Variants in EYS observed in about 807,000 individuals in gnomAD.
The protein encoded by EYS is EGF-like photoreceptor maintenance factor.
EYS carries 250 observed loss-of-function variants against 282.1 expected under a neutral mutation model. The ratio of observed to expected loss-of-function variants is 0.89; its 90% CI spans 0.80 to 0.98. EYS has a LOEUF of 0.98. Among genes scored for constraint, EYS ranks in the 50% least tolerant of loss-of-function variants. EYS has a pLI of 0.00. For synonymous variants in EYS, 1,355 were observed against 1,282.9 expected, an observed-to-expected ratio of 1.06 and a Z score of -1.20; for missense variants, 4,016 against 3,709.0, an observed-to-expected ratio of 1.08 and a Z score of -2.15.
At chr6:64,136,892 T>G (rs1413482579) in intron 31 of EYS, among the ~76,000 whole-genome samples, 1 of 152,164 alleles carries the variant, frequency 6.6e-6, no homozygotes, top group Non-Finnish European at 1.5e-5. Context: ...CCTGCAAGAT[T>G]CCCTAACAAG....
chr6:64,675,614 G>C (rs1769630439), intron 22 of EYS, among the ~76,000 whole-genome samples: 1 of 151,606 alleles, frequency 6.6e-6, no homozygotes, highest in Admixed American at 6.6e-5. Flanking sequence ...ATTTTTAGTA[G>C]AGACAGGGTT....
At chr6:65,276,238 A>G (rs757085375) in intron 12 of EYS, among the ~76,000 whole-genome samples, 5 of 152,138 alleles carry the variant, frequency 3.3e-5, no homozygotes, top group Admixed American at 6.6e-5. Context: ...TCCATAGATG[A>G]GTTATTTCTC....
At chr6:64,310,595 G>A (rs550009737) in intron 29 of EYS, among the ~76,000 whole-genome samples, 1 of 152,088 alleles carries the variant, frequency 6.6e-6, no homozygotes, top group South Asian at 2.1e-4. Flanking sequence ...GAGGGTAGAG[G>A]GTGGAAGAAG....
intron 13 of EYS, among the ~76,000 whole-genome samples, chr6:65,038,305 T>C (rs1434505783): frequency 6.6e-6 from 1 of 151,522 alleles, no homozygotes; most frequent in Non-Finnish European, 1.5e-5. Flanking sequence ...TAACAATTTT[T>C]TTAATGTTTT....
chr6:65,319,285 C>G (rs1188013925), intron 11 of EYS, among the ~76,000 whole-genome samples: 1 of 148,932 alleles, frequency 6.7e-6, no homozygotes, highest in Non-Finnish European at 1.5e-5. Context: ...GAGGCGGAGG[C>G]AGGAGAATCT....
chr6:63,827,800 C>A (rs111483879), intron 36 of EYS, among the ~76,000 whole-genome samples: 4 of 144,344 alleles, frequency 2.8e-5, no homozygotes, highest in Non-Finnish European at 4.5e-5. Context: ...GCTGAGATTG[C>A]GCCACTGCAG....
chr6:65,188,652 C>T (rs971955113), intron 12 of EYS, among the ~76,000 whole-genome samples: 3 of 149,204 alleles, frequency 2.0e-5, no homozygotes, highest in Non-Finnish European at 4.4e-5. Context: ...AGATATTATT[C>T]TGAATTATCT....
intron 35 of EYS, among the ~76,000 whole-genome samples, chr6:63,972,397 TAAG>T (rs1766618807): frequency 6.6e-6 from 1 of 152,194 alleles, no homozygotes; most frequent in Admixed American, 6.5e-5. Flanking sequence ...GTGGCATACT[TAAG>T]AGGAAGGGCA....
At chr6:64,153,585 A>G (rs1271770396) in intron 31 of EYS, among the ~76,000 whole-genome samples, 2 of 152,264 alleles carry the variant, frequency 1.3e-5, no homozygotes, top group Admixed American at 6.5e-5. Context: ...TAGGGAAAGC[A>G]AGACAGATTA....
At chr6:65,389,664 C>CAAAAGAGAG (rs1417313987) in intron 7 of EYS, among the ~76,000 whole-genome samples, 2 of 151,810 alleles carry the variant, frequency 1.3e-5, no homozygotes, top group African/African-American at 2.4e-5. Context: ...CAAGACGTGT[C>CAAAAGAGAG]AAAAGAGAGA....
chr6:64,187,865 ATAAGATTTC>A (rs1256723912), intron 31 of EYS, among the ~76,000 whole-genome samples: 1 of 152,080 alleles, frequency 6.6e-6, no homozygotes, highest in Non-Finnish European at 1.5e-5. Flanking sequence ...TGTGTTTAAT[ATAAGATTTC>A]TTTACAAATT....
intron 26 of EYS, among the ~76,000 whole-genome samples, chr6:64,512,117 A>G (rs1582838334): frequency 6.6e-6 from 1 of 152,204 alleles, no homozygotes; most frequent in Non-Finnish European, 1.5e-5. Context: ...ACACATACAT[A>G]CATGCATATA....
chr6:65,286,129 AT>A (rs1582101522), intron 12 of EYS, among the ~76,000 whole-genome samples: 1 of 151,818 alleles, frequency 6.6e-6, no homozygotes, highest in East Asian at 1.9e-4. Flanking sequence ...AAAATGTGTC[AT>A]TTTCATACTT....
intron 12 of EYS, among the ~76,000 whole-genome samples, chr6:65,243,456 T>C (rs946296778): frequency 1.3e-5 from 2 of 152,132 alleles, no homozygotes; most frequent in African/African-American, 2.4e-5. Flanking sequence ...TTCTGAGCTT[T>C]TGTGACGCTT....
chr6:64,958,705 A>C (rs550232752), intron 14 of EYS, among the ~76,000 whole-genome samples: 134 of 127,466 alleles, frequency 1.1e-3, no homozygotes, highest in Middle Eastern at 5.1e-3. Context: ...ACAGCACTCC[A>C]GCCTGGGCGA....
intron 26 of EYS, among the ~76,000 whole-genome samples, chr6:64,520,002 G>C (rs984491693): frequency 6.6e-6 from 1 of 151,818 alleles, no homozygotes; most frequent in Non-Finnish European, 1.5e-5. Context: ...TCTACCAGAA[G>C]CATGGTCCAA....
At chr6:64,361,690 A>G (rs933849338) in intron 29 of EYS, among the ~76,000 whole-genome samples, 24 of 151,588 alleles carry the variant, frequency 1.6e-4, no homozygotes, top group Middle Eastern at 3.4e-3. Flanking sequence ...TAACAATTGC[A>G]TTTTTTTTCT....
chr6:64,725,731 CTT>C, intron 22 of EYS, among the ~76,000 whole-genome samples: 1 of 151,024 alleles, frequency 6.6e-6, no homozygotes, highest in South Asian at 2.1e-4. Flanking sequence ...ATTGATTCTA[CTT>C]CATCCTCAAC....
rs139849747 is a variant in EYS at position 65,703,254 on chromosome 6, G to A, written c.-448+3881C>T. ...CTCTATATATATGTATTGTTACTCT[G>A]GAGAATTCTGACTAATGCATGCACA... is the stretch of plus-strand genomic sequence containing the variant. On this transcript the variant is annotated intron_variant, in intron 1 of 42. Transcript: ENST00000503581. 2.1e-3 allele frequency among the ~76,000 whole-genome samples: 324 copies of A among 152,000 alleles called. 1 individual carries two copies. Among genetic ancestry groups the A allele is most frequent in the African/African-American group, 7.5e-3 (313 of 41,458 alleles).
Sources: gnomAD v4.1 joint callset for allele counts (sites outside exome capture counted in the v4.1 genomes callset) on GRCh38, gnomAD v4.1.1 for gene constraint, MANE v1.5 for transcripts, NCBI Gene and HGNC (gene_info 2026-07-23, HGNC 2026-07-21) for gene names.